The following ROBO2 variants were observed in gnomAD, a reference collection of about 807,000 sequenced individuals.
ROBO2 encodes roundabout guidance receptor 2, also known as roundabout homolog 2.
Under a neutral mutation model 160.8 loss-of-function variants are expected in ROBO2, and 53 were observed. The ratio of observed to expected loss-of-function variants is 0.33; its 90% CI spans 0.26 to 0.41. The LOEUF (loss-of-function observed/expected upper bound fraction) is 0.41. Ranked by LOEUF, ROBO2 falls within the 10% of genes least tolerant of loss-of-function variation. The probability of loss-of-function intolerance (pLI) is 1.00; values close to 1 mark genes in which losing one functional copy is unlikely to be tolerated. For synonymous variants in ROBO2, 664 were observed against 611.7 expected, an observed-to-expected ratio of 1.09 and a Z score of -1.26; for missense variants, 1,577 against 1,722.4, an observed-to-expected ratio of 0.92 and a Z score of 1.49.
chr3:76,623,780 T>A (rs917290508), intron 2 of ROBO2, among the ~76,000 whole-genome samples: 1 of 152,198 alleles, frequency 6.6e-6, no homozygotes, highest in Admixed American at 6.5e-5. Context: ...ATCTCAACTT[T>A]GTAATGTTGG....
chr3:76,945,660 G>A (rs1295376880), intron 2 of ROBO2, among the ~76,000 whole-genome samples: 2 of 151,904 alleles, frequency 1.3e-5, no homozygotes, highest in Admixed American at 6.6e-5. Flanking sequence ...GTTTTATTTC[G>A]AATAAATTTT....
At chr3:77,020,108 G>A (rs552391092) in intron 2 of ROBO2, among the ~76,000 whole-genome samples, 1 of 152,226 alleles carries the variant, frequency 6.6e-6, no homozygotes, top group South Asian at 2.1e-4. Flanking sequence ...AAGGGGACAT[G>A]GGTTTTTAAA....
chr3:77,622,758 T>C (rs571062543), intron 23 of ROBO2, among the ~76,000 whole-genome samples: 19 of 152,312 alleles, frequency 1.2e-4, no homozygotes, highest in African/African-American at 4.6e-4. Flanking sequence ...AATGATCTTT[T>C]TTATATATAT....
chr3:76,381,400 G>A (rs937257167), intron 2 of ROBO2, among the ~76,000 whole-genome samples: 4 of 151,900 alleles, frequency 2.6e-5, no homozygotes, highest in Admixed American at 6.6e-5. Flanking sequence ...TCCCAGGCTG[G>A]AGTGCAGTGG....
chr3:76,440,451 A>AGGG lies in ROBO2; in HGVS notation c.109+502849_109+502850insGGG, dbSNP rs201125130. Among the ~76,000 whole-genome samples the AGGG allele has an allele frequency of 9.5e-3, 1,440 of 151,960 alleles. 21 individuals carry two copies. The highest frequency in any genetic ancestry group is 0.033 in the African/African-American group (1,378 of 41,422). On this transcript the variant is annotated intron_variant, in intron 2 of 26. Transcript: ENST00000487694. Reference sequence around the variant, plus strand: ...GTGTGTGATGTTCCCCTCCCTGTAAAAGTACTTTACTTGAAAGGGGAGTCT... The same window carrying AGGG: ...GTGTGTGATGTTCCCCTCCCTGTAAAGGGAGTACTTTACTTGAAAGGGGAGTCT...
chr3:77,052,977 A>G (rs1305675396), intron 1 of ROBO2, among the ~76,000 whole-genome samples: 1 of 152,298 alleles, frequency 6.6e-6, no homozygotes, highest in East Asian at 1.9e-4. Context: ...TGTTATTTAT[A>G]TATGTATGCC....
At chr3:76,338,142 A>C (rs2074005268) in intron 2 of ROBO2, among the ~76,000 whole-genome samples, 1 of 152,108 alleles carries the variant, frequency 6.6e-6, no homozygotes, top group Non-Finnish European at 1.5e-5. Context: ...AGCTATAAGG[A>C]ATTTAGTTTC....
intron 2 of ROBO2, among the ~76,000 whole-genome samples, chr3:76,104,780 C>G (rs1169428883): frequency 6.6e-6 from 1 of 152,138 alleles, no homozygotes; most frequent in Non-Finnish European, 1.5e-5. Flanking sequence ...TTGTTCATGT[C>G]TACTGATTAG....
intron 6 of ROBO2, among the ~76,000 whole-genome samples, chr3:77,542,337 A>G (rs58206141): frequency 0.042 from 6,422 of 152,252 alleles, 470 homozygotes; most frequent in African/African-American, 0.15. Flanking sequence ...CACAGACTTG[A>G]ATACTCTTCA....
At chr3:77,251,618 C>T (rs1374234918) in intron 2 of ROBO2, among the ~76,000 whole-genome samples, 2 of 152,076 alleles carry the variant, frequency 1.3e-5, no homozygotes, top group African/African-American at 4.8e-5. Flanking sequence ...TTTGTTGCGT[C>T]CCGACCCGAA....
In ROBO2 at chr3:76,027,004, A is replaced by G. The variant is rs751967233; in HGVS notation, c.109+89402A>G. On this transcript the variant is annotated intron_variant, in intron 2 of 26. Coordinates refer to the ROBO2 transcript ENST00000487694. Reference sequence around the variant, plus strand: ...CTGAGGACTGCGCTGGGACAATCCAACATTTGTAGTACTGATGCAAAGAAA... The same window carrying G: ...CTGAGGACTGCGCTGGGACAATCCAGCATTTGTAGTACTGATGCAAAGAAA... Among the ~76,000 whole-genome samples the G allele has an allele frequency of 1.3e-3, 202 of 151,954 alleles. 3 individuals carry two copies. Among genetic ancestry groups the G allele is most frequent in the Non-Finnish European group, 2.4e-3 (162 of 67,910 alleles).
chr3:76,055,372 G>A (rs1264156292), intron 2 of ROBO2, among the ~76,000 whole-genome samples: 4 of 152,154 alleles, frequency 2.6e-5, no homozygotes, highest in African/African-American at 7.2e-5. Flanking sequence ...AATTTTAGAT[G>A]CAGAGATTAT....
intron 13 of ROBO2, 98 bp downstream of exon 14, chr3:77,568,532 C>T (rs560840352): frequency 6.4e-5 from 92 of 1,433,356 alleles, no homozygotes; most frequent in African/African-American, 2.0e-4. Context: ...TAAAAATTCC[C>T]GCCATTTAAA....
chr3:76,402,613 C>A (rs1287735722), intron 2 of ROBO2, among the ~76,000 whole-genome samples: 2 of 151,508 alleles, frequency 1.3e-5, no homozygotes, highest in Non-Finnish European at 3.0e-5. Context: ...GAACCCGTTT[C>A]CTACTGATAA....
rs185613296 is a variant in ROBO2 at position 76,177,760 on chromosome 3, C to A, written c.109+240158C>A. Reference sequence around the variant, plus strand: ...AGACAAGATGAAGCCTTTTTATTGTCGGACACTGACAGAGCAGAGAAATAT... The same window carrying A: ...AGACAAGATGAAGCCTTTTTATTGTAGGACACTGACAGAGCAGAGAAATAT... On this transcript the variant is annotated intron_variant, in intron 2 of 26. Coordinates refer to the ROBO2 transcript ENST00000487694. 3.2e-3 allele frequency among the ~76,000 whole-genome samples: 485 copies of A among 152,112 alleles called. 7 individuals carry two copies. The highest frequency in any genetic ancestry group is 0.026 in the Admixed American group (399 of 15,256).
chr3:76,018,675 A>G (rs745968005), intron 2 of ROBO2, among the ~76,000 whole-genome samples: 5 of 151,910 alleles, frequency 3.3e-5, no homozygotes, highest in Admixed American at 2.6e-4. Flanking sequence ...TCTGTCTGAT[A>G]ATTCCTTGGA....
chr3:77,383,770 C>T (rs1401633217), intron 2 of ROBO2, among the ~76,000 whole-genome samples: 1 of 152,018 alleles, frequency 6.6e-6, no homozygotes, highest in African/African-American at 2.4e-5. Context: ...TTTTCCTTTC[C>T]CTCTGCTTCA....
intron 2 of ROBO2, among the ~76,000 whole-genome samples, chr3:77,343,301 G>T (rs2197109): frequency 1.3e-5 from 2 of 151,904 alleles, no homozygotes; most frequent in African/African-American, 4.8e-5. Context: ...TTCTCTTCAT[G>T]AAAATTTAAG....
intron 2 of ROBO2, among the ~76,000 whole-genome samples, chr3:77,437,935 A>G (rs1366390853): frequency 6.6e-6 from 1 of 152,038 alleles, no homozygotes; most frequent in African/African-American, 2.4e-5. Flanking sequence ...GATAATAAAT[A>G]AAGTGTAGCA....
Sources: allele counts gnomAD v4.1 joint callset (sites outside exome capture counted in the v4.1 genomes callset), GRCh38; gene constraint gnomAD v4.1.1; transcripts MANE v1.5; gene names NCBI Gene and HGNC (gene_info 2026-07-23, HGNC 2026-07-21).